Variants in A2ML1 observed in about 807,000 individuals in gnomAD.
The protein encoded by A2ML1 is alpha-2-macroglobulin-like protein 1.
A neutral mutation model predicts 181.9 loss-of-function variants in A2ML1; 161 were observed. That is an observed-to-expected ratio of 0.89 (90% CI 0.78 to 1.01). A2ML1 has a LOEUF of 1.01. A2ML1 is among the 50% of genes least tolerant of loss of function. The pLI, the probability that A2ML1 is intolerant of heterozygous loss-of-function variation, is 0.00. For synonymous variants in A2ML1, 663 were observed against 666.8 expected, an observed-to-expected ratio of 0.99 and a Z score of 0.09; for missense variants, 1,670 against 1,768.1, an observed-to-expected ratio of 0.94 and a Z score of 1.00.
chr12:8,862,537 G>A lies in A2ML1; in HGVS notation c.3502+1240G>A, dbSNP rs1024344437. Among the ~76,000 whole-genome samples the A allele has an allele frequency of 2.6e-5, 4 of 152,206 alleles. No individual in the cohort carries two copies. In the East Asian group the frequency reaches 7.7e-4, roughly 29 times the overall value. On this transcript the variant is annotated intron_variant, in intron 28 of 35. Transcript: ENST00000299698. ...AAATATATTTAGAATACTATTTGAA[G>A]TATGACAGATCTTGTAAATAAAATT... is the stretch of plus-strand genomic sequence containing the variant.
chr12:8,877,908 C>T (rs765638254), downstream of A2ML1, among the ~76,000 whole-genome samples: 2 of 152,096 alleles, frequency 1.3e-5, no homozygotes, highest in Non-Finnish European at 2.9e-5. Context: ...GCACTATTCA[C>T]AATAGCAAAG....
rs4883194 is a variant in A2ML1, at chr12:8,876,276, G to A, written c.*220G>A. 0.65 allele frequency: 99,203 copies of A among 152,162 alleles called. 33,002 individuals carry two copies. The highest frequency in any genetic ancestry group is 0.82 in the Middle Eastern group (241 of 294). The allele number at this position is 152,162 out of a possible 1,614,324, so 9.4% of individuals were successfully genotyped here. ...ATCACTCAGAGGAGGCGTTGCATGG[G>A]CAGGGTCATAGGGGGAAGAAAGGTG... On this transcript the variant is annotated 3_prime_UTR_variant, in exon 36 of 36. Coordinates refer to ENST00000299698, the MANE Select transcript of A2ML1 (RefSeq NM_144670.6).
At position 8,835,578 on chromosome 12, in the gene A2ML1, C is replaced by T. The variant is rs1334350183; in HGVS notation, c.555C>T (p.Phe185=). 1 of 1,614,194 alleles carries T rather than the reference C, an allele frequency of 6.2e-7. No individual in the cohort carries two copies. Residue 185 remains phenylalanine (F), a synonymous_variant, in exon 6 of 36, where the codon TTC becomes TTT. Coordinates refer to ENST00000299698, the MANE Select transcript of A2ML1 (RefSeq NM_144670.6). ...AGCAAGGCATTGTAGACCTGTCCTT[C>T]CAACTGGCACCAGAGGCAATGCTGG... The part of the protein sequence containing the change: ...VPEQGIVDLS[F]QLAPEAMLGT...
In A2ML1 at chr12:8,848,800, A is replaced by G; in HGVS notation, c.1914A>G (p.Pro638=). Residue 638 remains proline (P), a synonymous_variant, in exon 16 of 36, where the codon CCA becomes CCG. Transcript: ENST00000299698. ...ATGATCAGTGTCCAGTGTCTGGCCC[A>G]TGGGACTTTCCTCAGCCCCTCATTG... ...AEYDQCPVSG[P]WDFPQPLIDP... is the part of the protein sequence containing the mutation. 6.2e-7 allele frequency: 1 copy of G among 1,614,102 alleles called. No individual in the cohort carries two copies. The highest frequency in any genetic ancestry group is 8.5e-7 in the Non-Finnish European group (1 of 1,180,012).
Position 8,857,867 on chromosome 12 carries a change from AC to A in A2ML1, c.3108-76del. ...CTCAGCTCCCCTTCTGGAAGTATAC[AC>A]CCAAATAAATGAAGAAATGATTGCA... On this transcript the variant is annotated intron_variant, in intron 25 of 35. Transcript: ENST00000299698. The A allele has an allele frequency of 3.8e-6, 6 of 1,560,382 alleles. No individual in the cohort carries two copies. In the Middle Eastern group the frequency reaches 6.9e-4, roughly 180 times the overall value.
Position 8,839,238 on chromosome 12 carries a change from T to C in A2ML1, c.1080+16T>C, listed in dbSNP as rs1300794467. The C allele has an allele frequency of 6.3e-7, 1 of 1,592,328 alleles. No individual in the cohort carries two copies. Among genetic ancestry groups the C allele is most frequent in the South Asian group, 1.1e-5 (1 of 89,928 alleles). ...CAGTGGGAAGGTATGTTAAAACTTT[T>C]CTCTGCATAGACAAAAAAATGCATA... On this transcript the variant is annotated intron_variant, in intron 10 of 35. Coordinates refer to ENST00000299698, the MANE Select transcript of A2ML1 (RefSeq NM_144670.6).
At chr12:8,841,085 G>A (rs1275025339) in intron 10 of A2ML1, among the ~76,000 whole-genome samples, 4 of 152,148 alleles carry the variant, frequency 2.6e-5, no homozygotes, top group South Asian at 4.1e-4. Flanking sequence ...AGGAGCCTGT[G>A]CATATGAAGA....
rs374395580 is a variant in A2ML1 at position 8,823,258 on chromosome 12, T to C, written c.139T>C (p.Tyr47His). 22 of 1,613,988 alleles carry C rather than the reference T, an allele frequency of 1.4e-5. No homozygotes were observed. Among genetic ancestry groups the C allele is most frequent in the South Asian group, 1.3e-4 (12 of 91,084 alleles). Reference protein sequence around the residue: ...QKVCLDLSPGYSDVKFTVTLE... With the variant: ...QKVCLDLSPGHSDVKFTVTLE... ...GGTTTGTTTGGACCTGAGCCCTGGG[T>C]ACAGTGATGTTAAATTCACGGTTAC... Residue 47 changes from tyrosine (Y) to histidine (H), a missense_variant, in exon 2 of 36, where the codon TAC becomes CAC. Tyr to His is a moderately conservative substitution (Grantham distance 83). Coordinates refer to ENST00000299698, the MANE Select transcript of A2ML1 (RefSeq NM_144670.6).
intron 3 of A2ML1, among the ~76,000 whole-genome samples, chr12:8,829,146 A>G (rs1943027248): frequency 6.6e-6 from 1 of 152,162 alleles, no homozygotes; most frequent in African/African-American, 2.4e-5. Flanking sequence ...TTCTTATGAC[A>G]GTGCTGTTTT....
intron 8 of A2ML1, 49 bp from the exon 9 acceptor site, chr12:8,838,287 A>G: frequency 7.7e-7 from 1 of 1,302,846 alleles, no homozygotes; most frequent in Non-Finnish European, 1.1e-6. Context: ...GGATGTAGAG[A>G]TTAGATTCCT....
chr12:8,843,081 G>T, intron 11 of A2ML1, 53 bp from the exon 12 acceptor site: 1 of 1,529,070 alleles, frequency 6.5e-7, no homozygotes, highest in Non-Finnish European at 9.0e-7. Context: ...AGTCCGTGGG[G>T]TTTCCATGGT....
intron 7 of A2ML1, among the ~76,000 whole-genome samples, chr12:8,884,235 TTTTTTGTTTTG>T (rs1247671393): frequency 6.9e-5 from 10 of 144,576 alleles, no homozygotes; most frequent in African/African-American, 2.6e-4. Context: ...TTTTTTGTTT[TTTTTTGTTTTG>T]TTTTTTTTTA....
rs1944756184 is a variant in A2ML1 at position 8,874,990 on chromosome 12, G to A, written c.4344G>A (p.Gln1448=). ...TCACAGATGAACAGGCAACAATTCA[G>A]TATTCTGATCCCTGTGAATGAGGTA... The part of the protein sequence containing the change: ...YYLPDEQATI[Q]YSDPCE The change falls in exon 35 of 36, where the codon CAG becomes CAA. Residue 1448 remains glutamine (Q), a synonymous_variant. Coordinates refer to ENST00000299698, the MANE Select transcript of A2ML1 (RefSeq NM_144670.6). The A allele has an allele frequency of 1.2e-6, 2 of 1,614,118 alleles. No individual in the cohort carries two copies. Among genetic ancestry groups the A allele is most frequent in the African/African-American group, 1.3e-5 (1 of 75,034 alleles).
At chr12:8,841,043 A>G (rs1472665882) in intron 10 of A2ML1, among the ~76,000 whole-genome samples, 2 of 97,522 alleles carry the variant, frequency 2.1e-5, no homozygotes, top group African/African-American at 4.1e-5. Flanking sequence ...AGGAAAGAAA[A>G]AAGAAAGCAA....
In A2ML1 at chr12:8,847,688, G is replaced by A; in HGVS notation, c.1823G>A (p.Ser608Asn). ...VLLLRPDREL[S>N]NRSVYGMFPF... Reference sequence around the variant, plus strand: ...CTGCTTAGGCCAGACAGAGAGCTGAGCAACCGCTCTGTGAGTAACTGTCTG... The same window carrying A: ...CTGCTTAGGCCAGACAGAGAGCTGAACAACCGCTCTGTGAGTAACTGTCTG... Residue 608 changes from serine (S) to asparagine (N), a missense_variant, in exon 15 of 36, where the codon AGC (serine) becomes AAC (asparagine). Physicochemically the swap from Ser to Asn is conservative, Grantham distance 46. Coordinates refer to ENST00000299698, the MANE Select transcript of A2ML1 (RefSeq NM_144670.6). 6.2e-7 allele frequency: 1 copy of A among 1,611,688 alleles called. No homozygotes were observed. Among genetic ancestry groups the A allele is most frequent in the Non-Finnish European group, 8.5e-7 (1 of 1,179,086 alleles).
Position 8,848,791 on chromosome 12 carries a change from G to A in A2ML1, c.1905G>A (p.Val635=). The part of the protein sequence containing the change: ...YQVAEYDQCP[V]SGPWDFPQPL... ...TGGCTGAGTATGATCAGTGTCCAGT[G>A]TCTGGCCCATGGGACTTTCCTCAGC... is the stretch of plus-strand genomic sequence containing the variant. Residue 635 remains valine (V), a synonymous_variant, in exon 16 of 36, where the codon GTG becomes GTA. Coordinates refer to ENST00000299698, the MANE Select transcript of A2ML1 (RefSeq NM_144670.6). 6.2e-7 allele frequency: 1 copy of A among 1,614,140 alleles called. No individual in the cohort carries two copies. Among genetic ancestry groups the A allele is most frequent in the Non-Finnish European group, 8.5e-7 (1 of 1,180,016 alleles).
At chr12:8,855,672 G>T in intron 23 of A2ML1, 80 bp downstream of exon 23, 1 of 1,306,182 alleles carries the variant, frequency 7.7e-7, no homozygotes, top group Non-Finnish European at 1.1e-6. Flanking sequence ...CGGGACATAC[G>T]GACCTATCCG....
rs182565190 is a variant in A2ML1, at chr12:8,883,888, C to T, written c.*95-2619C>T. ...GCAACCTCTGCCTCCCAGGTTCAAG[C>T]GATTCTCCCGCCTCAGCCTCCCCAG... On this transcript the variant is annotated intron_variant and NMD_transcript_variant, in intron 7 of 7. Transcript: ENST00000537475. Among the ~76,000 whole-genome samples, 374 of 149,976 alleles carry T rather than the reference C, an allele frequency of 2.5e-3. 1 individual carries two copies. The highest frequency in any genetic ancestry group is 8.5e-3 in the African/African-American group (345 of 40,792).
rs1247769715 is a variant in A2ML1 at position 8,868,255 on chromosome 12, C to T, written c.3959C>T (p.Pro1320Leu). The change falls in exon 31 of 36, where the codon CCT (proline) becomes CTT (leucine). Residue 1320 changes from proline (P) to leucine (L), a missense_variant. Transcript: ENST00000299698. ...ACGGTGTTGAGATACAATATTCTCC[C>T]TCCCACAAATATGAAGACCTTTAGT... ...VQTVLRYNIL[P>L]PTNMKTFSLS... 2 of 1,613,698 alleles carry T rather than the reference C, an allele frequency of 1.2e-6. No individual in the cohort carries two copies. Among genetic ancestry groups the T allele is most frequent in the Non-Finnish European group, 1.7e-6 (2 of 1,179,984 alleles).
Sources: gnomAD v4.1 joint callset for allele counts (sites outside exome capture counted in the v4.1 genomes callset) on GRCh38, gnomAD v4.1.1 for gene constraint, MANE v1.5 for transcripts, NCBI Gene and HGNC (gene_info 2026-07-23, HGNC 2026-07-21) for gene names.